TSPAN18: variants seen among roughly 807,000 people sequenced by gnomAD.
TSPAN18 encodes tetraspanin 18.
A neutral mutation model predicts 27.3 loss-of-function variants in TSPAN18; 14 were observed. The observed-to-expected ratio is 0.51, with a 90% CI of 0.34 to 0.80. The LOEUF (loss-of-function observed/expected upper bound fraction) is 0.80, where lower values mean the gene tolerates loss of function less well. Ranked by LOEUF, TSPAN18 falls within the 30% of genes least tolerant of loss-of-function variation. TSPAN18 has a pLI of 0.01. For missense variants in TSPAN18, 268 were observed against 323.9 expected, an observed-to-expected ratio of 0.83 and a Z score of 1.32; for synonymous variants, 143 against 136.5, an observed-to-expected ratio of 1.05 and a Z score of -0.33.
intron 2 of TSPAN18, among the ~76,000 whole-genome samples, chr11:44,790,142 C>T (rs1012272279): frequency 5.0e-5 from 7 of 139,178 alleles, no homozygotes; most frequent in Non-Finnish European, 8.3e-5. Context: ...TGTTTCCACC[C>T]GCGTGTGTGC....
At position 44,858,815 on chromosome 11, in the gene TSPAN18, C is replaced by T. The variant is rs149720481; in HGVS notation, c.-152-1513C>T. On this transcript the variant is annotated intron_variant, in intron 2 of 9. Coordinates refer to ENST00000520358, the MANE Select transcript of TSPAN18 (RefSeq NM_130783.5). Reference sequence around the variant, plus strand: ...GGTTGGCTGAAGCAGGAACCATGGGCGACCCTGGTGAGCCCGCAAGAATGG... The same window carrying T: ...GGTTGGCTGAAGCAGGAACCATGGGTGACCCTGGTGAGCCCGCAAGAATGG... 3.3e-4 allele frequency among the ~76,000 whole-genome samples: 50 copies of T among 152,244 alleles called. No individual in the cohort carries two copies. The East Asian group carries it at 4.1e-3, about 12-fold the overall frequency.
intron 2 of TSPAN18, among the ~76,000 whole-genome samples, chr11:44,784,121 A>G (rs1342651588): frequency 6.6e-6 from 1 of 152,150 alleles, no homozygotes; most frequent in African/African-American, 2.4e-5. Context: ...GTAAAATGCA[A>G]CATGCCATTA....
intron 8 of TSPAN18, among the ~76,000 whole-genome samples, chr11:44,924,158 A>C (rs567302800): frequency 1.3e-5 from 2 of 148,988 alleles, no homozygotes; most frequent in Admixed American, 1.3e-4. Context: ...ACCCAACTCT[A>C]TGCTCAGACA....
chr11:44,828,562 G>T (rs1016347953), intron 2 of TSPAN18, among the ~76,000 whole-genome samples: 1 of 152,154 alleles, frequency 6.6e-6, no homozygotes, highest in Non-Finnish European at 1.5e-5. Flanking sequence ...ATGAAGGTGA[G>T]CCCGCTTCTG....
rs537302751 is a variant in TSPAN18 at position 44,857,364 on chromosome 11, C to T, written c.-152-2964C>T. Among the ~76,000 whole-genome samples, 6 of 152,370 alleles carry T rather than the reference C, an allele frequency of 3.9e-5. No individual in the cohort carries two copies. In the East Asian group the frequency reaches 9.6e-4, roughly 24 times the overall value. ...CCTGTGTCAACCACAGAGCCAGTGT[C>T]TAGCAGTGGAGCCAGGGGTAGAATG... On this transcript the variant is annotated intron_variant, in intron 2 of 9. Transcript: ENST00000520358.
At chr11:44,898,940 A>G (rs763884524) in intron 3 of TSPAN18, among the ~76,000 whole-genome samples, 1 of 152,230 alleles carries the variant, frequency 6.6e-6, no homozygotes, top group Non-Finnish European at 1.5e-5. Flanking sequence ...AGTTGGCTGC[A>G]TCTGAGGGTC....
chr11:44,838,374 C>T (rs144535469), intron 2 of TSPAN18, among the ~76,000 whole-genome samples: 10 of 152,222 alleles, frequency 6.6e-5, no homozygotes, highest in African/African-American at 2.2e-4. Context: ...AAAGACCCAC[C>T]CCCATGATTC....
At chr11:44,795,802 C>T (rs1405870174) in intron 2 of TSPAN18, among the ~76,000 whole-genome samples, 1 of 152,102 alleles carries the variant, frequency 6.6e-6, no homozygotes, top group Non-Finnish European at 1.5e-5. Context: ...GGTGTACAGG[C>T]ATGAGATGCA....
chr11:44,799,632 G>A (rs1346146113), intron 2 of TSPAN18, among the ~76,000 whole-genome samples: 2 of 152,276 alleles, frequency 1.3e-5, no homozygotes, highest in East Asian at 3.9e-4. Flanking sequence ...ATGTGTCAGC[G>A]ATGATTTCTG....
chr11:44,792,265 A>G (rs887231825), intron 2 of TSPAN18, among the ~76,000 whole-genome samples: 4 of 152,172 alleles, frequency 2.6e-5, no homozygotes, highest in Admixed American at 1.3e-4. Flanking sequence ...GTGAGGGGTG[A>G]CATTTAAACA....
intron 8 of TSPAN18, among the ~76,000 whole-genome samples, chr11:44,926,058 G>A (rs1860340904): frequency 6.6e-6 from 1 of 152,224 alleles, no homozygotes; most frequent in Admixed American, 6.5e-5. Context: ...TAAGTCCAGG[G>A]CCTGTGGACT....
intron 3 of TSPAN18, among the ~76,000 whole-genome samples, chr11:44,889,468 G>A (rs1262436602): frequency 6.6e-6 from 1 of 152,252 alleles, no homozygotes; most frequent in East Asian, 1.9e-4. Context: ...CTGGAGGCAG[G>A]AGGGTTTCCA....
At chr11:44,910,629 C>A (rs1420843764) in intron 5 of TSPAN18, among the ~76,000 whole-genome samples, 1 of 152,250 alleles carries the variant, frequency 6.6e-6, no homozygotes, top group African/African-American at 2.4e-5. Context: ...GTGGATGAGG[C>A]CTTCCCCTTG....
intron 3 of TSPAN18, among the ~76,000 whole-genome samples, chr11:44,876,374 C>T (rs1034369671): frequency 9.2e-5 from 14 of 152,206 alleles, no homozygotes; most frequent in African/African-American, 2.2e-4. Flanking sequence ...TAGTGACCTT[C>T]GCCACATGTG....
chr11:44,910,129 G>T (rs1310072492), intron 5 of TSPAN18, among the ~76,000 whole-genome samples: 1 of 152,258 alleles, frequency 6.6e-6, no homozygotes, highest in Non-Finnish European at 1.5e-5. Flanking sequence ...GTCCCATGGA[G>T]TTGGCAGCAG....
chr11:44,740,598 G>A (rs1453876234), intron 1 of TSPAN18, among the ~76,000 whole-genome samples: 4 of 152,160 alleles, frequency 2.6e-5, no homozygotes, highest in African/African-American at 9.7e-5. Context: ...AGCAAGACAG[G>A]GACACCTGGA....
intron 3 of TSPAN18, chr11:44,903,488 G>T (rs1490182691): frequency 6.6e-6 from 3 of 456,640 alleles, no homozygotes; most frequent in Non-Finnish European, 1.3e-5. Context: ...TTGGGTTCCA[G>T]CAAGAGAGGG....
chr11:44,827,748 C>G (rs922044170), intron 2 of TSPAN18, among the ~76,000 whole-genome samples: 2 of 152,120 alleles, frequency 1.3e-5, no homozygotes, highest in African/African-American at 4.8e-5. Flanking sequence ...TGTGCATTTG[C>G]GAGAATGGAT....
In TSPAN18 at chr11:44,896,215, G is replaced by A. The variant is rs80146168; in HGVS notation, c.-10-10192G>A. Among the ~76,000 whole-genome samples the A allele has an allele frequency of 1.4e-4, 22 of 152,154 alleles. No individual in the cohort carries two copies. In the East Asian group the frequency reaches 3.1e-3, roughly 21 times the overall value. ...CAGTGAACCTGTGGTAGCCTGCCTC[G>A]TGGGCTATTGTGAGGATTCATTGTG... On this transcript the variant is annotated intron_variant, in intron 3 of 9. Transcript: ENST00000520358.
Sources: gnomAD v4.1 joint callset for allele counts (sites outside exome capture counted in the v4.1 genomes callset) on GRCh38, gnomAD v4.1.1 for gene constraint, MANE v1.5 for transcripts, NCBI Gene and HGNC (gene_info 2026-07-23, HGNC 2026-07-21) for gene names.